MYO18B: variants seen among roughly 807,000 people sequenced by gnomAD.
The protein encoded by MYO18B is unconventional myosin-XVIIIb.
In MYO18B, 204 loss-of-function variants were observed where a neutral mutation model predicts 273.0. That is an observed-to-expected ratio of 0.75 (90% confidence interval 0.67 to 0.84). MYO18B has a LOEUF of 0.84. Ranked by LOEUF, MYO18B falls within the 40% of genes least tolerant of loss-of-function variation. MYO18B has a pLI of 0.00. For synonymous variants in MYO18B, 1,330 were observed against 1,305.7 expected (o/e 1.02, Z -0.40); for missense variants, 3,212 against 3,287.6 (o/e 0.98, Z 0.56).
rs187485816 is a variant in MYO18B, at chr22:26,010,895, G to A, written c.6470+6040G>A. Reference sequence around the variant, plus strand: ...AATATGTTAAACTTCGTGTGTTTGGGGACATCCAAAGAGAATTGTCCAGAA... The same window carrying A: ...AATATGTTAAACTTCGTGTGTTTGGAGACATCCAAAGAGAATTGTCCAGAA... On this transcript the variant is annotated intron_variant, in intron 42 of 43. Transcript: ENST00000335473. Among the ~76,000 whole-genome samples, 591 of 151,968 alleles carry A rather than the reference G, an allele frequency of 3.9e-3. 4 individuals are homozygous for A. The highest frequency in any genetic ancestry group is 9.6e-3 in the African/African-American group (398 of 41,414).
chr22:26,046,470 A>G, the MYO18B span, among the ~76,000 whole-genome samples: 1 of 152,140 alleles, frequency 6.6e-6, no homozygotes, highest in African/African-American at 2.4e-5. Flanking sequence ...ACATTTCTTC[A>G]ACTTCTCCAT....
chr22:25,793,828 T>G (rs1283963319), intron 11 of MYO18B, among the ~76,000 whole-genome samples: 1 of 152,244 alleles, frequency 6.6e-6, no homozygotes, highest in African/African-American at 2.4e-5. Flanking sequence ...CAATTTGAAT[T>G]TTATCCATTG....
chr22:25,969,019 A>G lies in MYO18B; in HGVS notation c.6156+13655A>G, dbSNP rs150147677. Among the ~76,000 whole-genome samples the G allele has an allele frequency of 2.9e-3, 448 of 152,282 alleles. 4 individuals carry two copies. The highest frequency in any genetic ancestry group is 9.3e-3 in the African/African-American group (385 of 41,566). ...CCCAGGCCTCTTCATTCCAACTGGT[A>G]TCTTCTCCAACCTCAGACTGGTAAA... On this transcript the variant is annotated intron_variant, in intron 39 of 43. Coordinates refer to ENST00000335473, the MANE Select transcript of MYO18B (RefSeq NM_032608.7).
chr22:25,933,708 A>G (rs2092540539), intron 34 of MYO18B, among the ~76,000 whole-genome samples: 1 of 152,226 alleles, frequency 6.6e-6, no homozygotes, highest in African/African-American at 2.4e-5. Context: ...TGACTACCAC[A>G]ATTTATCTTA....
At chr22:25,891,695 G>C (rs766768705) in intron 27 of MYO18B, among the ~76,000 whole-genome samples, 1 of 152,098 alleles carries the variant, frequency 6.6e-6, no homozygotes, top group Non-Finnish European at 1.5e-5. Flanking sequence ...TGGCTTTATG[G>C]GCAAGGTACT....
Position 26,030,797 on chromosome 22 carries a change from CCTT to C in MYO18B, c.*369_*371del. On this transcript the variant is annotated 3_prime_UTR_variant, in exon 44 of 44. Transcript: ENST00000335473. ...CTTCCTACATGTCTACATGCCATGA[CCTT>C]CCTCCTCCTCTTCACTTGGCCAGTT... 1 of 393,398 alleles carries C rather than the reference CCTT, an allele frequency of 2.5e-6. No individual in the cohort carries two copies. The highest frequency in any genetic ancestry group is 4.5e-6 in the Non-Finnish European group (1 of 223,506). 24.4% of individuals were successfully genotyped at this position (393,398 alleles called of 1,614,324 possible). A position where few individuals can be genotyped will look rare whatever the true frequency, so the allele number is the denominator to read the frequency against.
At chr22:25,820,772 C>T (rs1043675812) in intron 12 of MYO18B, among the ~76,000 whole-genome samples, 1 of 152,156 alleles carries the variant, frequency 6.6e-6, no homozygotes, top group Admixed American at 6.5e-5. Context: ...GAACGTATTT[C>T]TCCTATCTAG....
At chr22:25,746,429 A>G (rs1024860442) in intron 1 of MYO18B, among the ~76,000 whole-genome samples, 3 of 152,172 alleles carry the variant, frequency 2.0e-5, no homozygotes, top group African/African-American at 7.2e-5. Flanking sequence ...CAGCGTAGAC[A>G]CTATTGACAT....
At chr22:25,998,987 G>T (rs991334705) in intron 40 of MYO18B, among the ~76,000 whole-genome samples, 3 of 152,072 alleles carry the variant, frequency 2.0e-5, no homozygotes, top group African/African-American at 7.2e-5. Flanking sequence ...CAGCATTACG[G>T]GAAATAATGA....
intron 8 of MYO18B, among the ~76,000 whole-genome samples, chr22:25,779,153 A>G (rs919770141): frequency 2.0e-5 from 3 of 152,128 alleles, no homozygotes; most frequent in Non-Finnish European, 4.4e-5. Context: ...ACCACTTCTA[A>G]GAATCAGTTT....
At chr22:25,865,469 A>G (rs1037754725) in intron 21 of MYO18B, among the ~76,000 whole-genome samples, 1 of 152,222 alleles carries the variant, frequency 6.6e-6, no homozygotes. Context: ...CATGTTTTGC[A>G]GCACTGTTCC....
chr22:25,898,266 A>T, intron 28 of MYO18B, 41 bp from the exon 29 acceptor site: 1 of 1,588,528 alleles, frequency 6.3e-7, no homozygotes. Context: ...AGCTCGTTCC[A>T]TGCCCACAGA....
At chr22:26,040,265 T>C in the MYO18B span, among the ~76,000 whole-genome samples, 1 of 152,206 alleles carries the variant, frequency 6.6e-6, no homozygotes, top group Non-Finnish European at 1.5e-5. Context: ...CTGGTCCATG[T>C]CCGCCCTTAG....
chr22:25,992,537 C>G (rs774503891), intron 40 of MYO18B, 44 bp downstream of exon 40: 1 of 1,610,812 alleles, frequency 6.2e-7, no homozygotes, highest in South Asian at 1.1e-5. Flanking sequence ...AGCAGGTGGG[C>G]GGCATCCTGG....
Position 25,767,260 on chromosome 22 carries a change from G to C in MYO18B, c.199-855G>C, listed in dbSNP as rs2086538096. On this transcript the variant is annotated intron_variant, in intron 3 of 43. Transcript: ENST00000335473. ...GCTAAAATCACAAGGCAGTAACAAG[G>C]CCTGGGAAGGGAGCAGGCAGTGGAA... 3.3e-5 allele frequency among the ~76,000 whole-genome samples: 5 copies of C among 152,228 alleles called. No homozygotes were observed. In the South Asian group the frequency reaches 1.0e-3, roughly 32 times the overall value.
At chr22:26,022,230 C>G (rs1404032380) in intron 42 of MYO18B, among the ~76,000 whole-genome samples, 2 of 150,858 alleles carry the variant, frequency 1.3e-5, no homozygotes, top group Non-Finnish European at 2.9e-5. Context: ...ATGGAGAGTT[C>G]CATCTGAGCC....
chr22:25,932,991 G>A (rs1327492650), intron 34 of MYO18B, among the ~76,000 whole-genome samples: 2 of 152,036 alleles, frequency 1.3e-5, no homozygotes, highest in African/African-American at 2.4e-5. Flanking sequence ...CCCAGTGTCC[G>A]TTATAGCAAT....
At chr22:25,965,903 C>G (rs1238367071) in intron 39 of MYO18B, among the ~76,000 whole-genome samples, 1 of 152,138 alleles carries the variant, frequency 6.6e-6, no homozygotes, top group Non-Finnish European at 1.5e-5. Context: ...TGTCCCCATA[C>G]CCTGTTAGAA....
chr22:26,002,026 G>C (rs1276939412), intron 40 of MYO18B, among the ~76,000 whole-genome samples: 2 of 152,114 alleles, frequency 1.3e-5, no homozygotes, highest in African/African-American at 4.8e-5. Flanking sequence ...CTTTTTCCCT[G>C]TACAGAAACA....
Sources: gnomAD v4.1 joint callset for allele counts (sites outside exome capture counted in the v4.1 genomes callset) on GRCh38, gnomAD v4.1.1 for gene constraint, MANE v1.5 for transcripts, NCBI Gene and HGNC (gene_info 2026-07-23, HGNC 2026-07-21) for gene names.